Variants in CNBD1 observed in about 807,000 individuals in gnomAD.
CNBD1 encodes cyclic nucleotide binding domain containing 1.
A neutral mutation model predicts 54.4 loss-of-function variants in CNBD1; 71 were observed. The observed-to-expected ratio is 1.30, with a 90% CI of 1.08 to 1.59. CNBD1 has a LOEUF of 1.59. Among genes scored for constraint, CNBD1 ranks in the 40% most tolerant of loss-of-function variants. CNBD1 has a pLI of 0.00. For missense variants in CNBD1, 659 were observed against 518.0 expected, an observed-to-expected ratio of 1.27 and a Z score of -2.64; for synonymous variants, 182 against 170.7, an observed-to-expected ratio of 1.07 and a Z score of -0.51.
At chr8:87,297,568 A>G (rs1808902571) in intron 8 of CNBD1, among the ~76,000 whole-genome samples, 1 of 152,160 alleles carries the variant, frequency 6.6e-6, no homozygotes, top group African/African-American at 2.4e-5. Context: ...CACTTTAATA[A>G]TAACTTCCTA....
intron 10 of CNBD1, among the ~76,000 whole-genome samples, chr8:87,371,686 T>C (rs1167541337): frequency 6.6e-6 from 1 of 151,898 alleles, no homozygotes; most frequent in African/African-American, 2.4e-5. Context: ...GTTCAATATA[T>C]GCAAATCAAT....
chr8:87,389,895 C>T (rs1283624562), intron 2 of CNBD1, among the ~76,000 whole-genome samples: 1 of 152,262 alleles, frequency 6.6e-6, no homozygotes, highest in South Asian at 2.1e-4. Flanking sequence ...GGTACCTAAA[C>T]AGAGATATAG....
chr8:87,388,155 A>G (rs935426474), intron 2 of CNBD1, among the ~76,000 whole-genome samples: 3 of 152,222 alleles, frequency 2.0e-5, no homozygotes, highest in Non-Finnish European at 4.4e-5. Flanking sequence ...AAAGAAGGAA[A>G]GATCTAAAAT....
Position 87,201,898 on chromosome 8 carries a change from G to A in CNBD1, c.432-4095G>A, listed in dbSNP as rs530570590. On this transcript the variant is annotated intron_variant, in intron 4 of 10. Transcript: ENST00000518476. ...CTCCTGAGTAACTGGGTTTACAGGA[G>A]CCTGCCACCACACCTAGCTAGTTTT... is the stretch of plus-strand genomic sequence containing the variant. Among the ~76,000 whole-genome samples the A allele has an allele frequency of 2.4e-4, 37 of 152,202 alleles. 1 individual carries two copies. The highest frequency in any genetic ancestry group is 8.7e-4 in the African/African-American group (36 of 41,542).
At chr8:87,262,402 G>T (rs1010848978) in intron 6 of CNBD1, among the ~76,000 whole-genome samples, 1 of 152,034 alleles carries the variant, frequency 6.6e-6, no homozygotes, top group Non-Finnish European at 1.5e-5. Context: ...CTGGTGAATT[G>T]TTTTTTCTAG....
At chr8:87,213,206 G>A (rs1814138357) in intron 5 of CNBD1, among the ~76,000 whole-genome samples, 1 of 151,720 alleles carries the variant, frequency 6.6e-6, no homozygotes, top group South Asian at 2.1e-4. Context: ...TTAAGCGTTG[G>A]TATGGATGTA....
At chr8:87,043,639 C>T (rs1810120484) in intron 4 of CNBD1, among the ~76,000 whole-genome samples, 1 of 152,190 alleles carries the variant, frequency 6.6e-6, no homozygotes, top group Admixed American at 6.5e-5. Context: ...CACATAGGAG[C>T]TGTAGCTAAC....
chr8:87,385,475 G>C (rs565726492), downstream of CNBD1, among the ~76,000 whole-genome samples: 1 of 152,034 alleles, frequency 6.6e-6, no homozygotes, highest in African/African-American at 2.4e-5. Context: ...ATTATATCCT[G>C]CACATGTCTC....
At chr8:86,949,227 A>G (rs753979536) in intron 4 of CNBD1, among the ~76,000 whole-genome samples, 1 of 152,180 alleles carries the variant, frequency 6.6e-6, no homozygotes, top group Non-Finnish European at 1.5e-5. Flanking sequence ...AACTTCAGCT[A>G]TGCAGGATCT....
At chr8:87,176,935 T>G (rs1187657856) in intron 4 of CNBD1, among the ~76,000 whole-genome samples, 1 of 152,150 alleles carries the variant, frequency 6.6e-6, no homozygotes, top group Non-Finnish European at 1.5e-5. Flanking sequence ...ATAATCTTCC[T>G]TAGAGAGAAT....
At chr8:87,398,471 G>A (rs1191155187) in intron 2 of CNBD1, among the ~76,000 whole-genome samples, 2 of 151,936 alleles carry the variant, frequency 1.3e-5, no homozygotes, top group African/African-American at 4.8e-5. Context: ...GTGCCTGTTT[G>A]AGTGGCATAT....
intron 10 of CNBD1, among the ~76,000 whole-genome samples, chr8:87,373,682 C>G (rs1343858350): frequency 6.6e-6 from 1 of 151,614 alleles, no homozygotes. Flanking sequence ...TAGGAATTGC[C>G]AATTCAGGCC....
At chr8:86,977,670 C>CT (rs1300668397) in intron 4 of CNBD1, among the ~76,000 whole-genome samples, 7 of 151,854 alleles carry the variant, frequency 4.6e-5, no homozygotes, top group Non-Finnish European at 7.4e-5. Flanking sequence ...AAAATAAAAC[C>CT]TTTGAAGACT....
intron 4 of CNBD1, among the ~76,000 whole-genome samples, chr8:87,011,179 G>GT (rs1486189578): frequency 3.7e-5 from 5 of 135,164 alleles, no homozygotes; most frequent in African/African-American, 1.3e-4. Context: ...ATTAGAGTTT[G>GT]GTTTTTTTTT....
intron 8 of CNBD1, among the ~76,000 whole-genome samples, chr8:87,334,502 G>A (rs548169925): frequency 5.3e-5 from 8 of 151,940 alleles, no homozygotes; most frequent in South Asian, 4.2e-4. Context: ...CTAGGTTTCC[G>A]ATGTGGGCAT....
At chr8:87,404,259 A>G (rs1807617197) in intron 2 of CNBD1, among the ~76,000 whole-genome samples, 1 of 152,032 alleles carries the variant, frequency 6.6e-6, no homozygotes, top group South Asian at 2.1e-4. Flanking sequence ...CTCATGCAAT[A>G]TTGAATTAGT....
chr8:87,284,244 C>A (rs545480191), intron 6 of CNBD1, among the ~76,000 whole-genome samples: 1 of 152,124 alleles, frequency 6.6e-6, no homozygotes, highest in South Asian at 2.1e-4. Context: ...TTAAATTAAG[C>A]AATCATCCAT....
chr8:87,276,459 A>G (rs1487682274), intron 6 of CNBD1, among the ~76,000 whole-genome samples: 1 of 151,740 alleles, frequency 6.6e-6, no homozygotes, highest in East Asian at 1.9e-4. Flanking sequence ...CTTGTTCTGA[A>G]TAATTTTGTT....
At chr8:87,337,117 C>T (rs66998906) in intron 8 of CNBD1, among the ~76,000 whole-genome samples, 24,468 of 152,020 alleles carry the variant, frequency 0.16, 2,673 homozygotes, top group African/African-American at 0.32. Context: ...GACCTGATAC[C>T]AGTAGGAATG....
Sources: gnomAD v4.1 joint callset for allele counts (sites outside exome capture counted in the v4.1 genomes callset) on GRCh38, gnomAD v4.1.1 for gene constraint, MANE v1.5 for transcripts, NCBI Gene and HGNC (gene_info 2026-07-23, HGNC 2026-07-21) for gene names.